TLN2: variants seen among roughly 807,000 people sequenced by gnomAD.
TLN2 encodes the protein talin-2.
TLN2 carries 118 observed loss-of-function variants against 294.7 expected under a neutral mutation model. The observed-to-expected ratio is 0.40, with a 90% confidence interval of 0.34 to 0.47. TLN2 has a LOEUF of 0.47. Ranked by LOEUF, TLN2 falls within the 20% of genes least tolerant of loss-of-function variation. TLN2 has a pLI of 0.84. For synonymous variants in TLN2, 1,431 were observed against 1,304.5 expected (o/e 1.10, Z -2.09); for missense variants, 3,083 against 3,282.2 (o/e 0.94, Z 1.48).
chr15:62,473,238 C>T (rs1355349956), intron 1 of TLN2, among the ~76,000 whole-genome samples: 3 of 152,314 alleles, frequency 2.0e-5, no homozygotes, highest in Non-Finnish European at 4.4e-5. Context: ...AGGCCCCACC[C>T]CTTCACAGCA....
chr15:62,496,402 T>G (rs443565), intron 1 of TLN2, among the ~76,000 whole-genome samples: 36,291 of 152,106 alleles, frequency 0.24, 4,697 homozygotes, highest in African/African-American at 0.33. Context: ...CCCTTTCAGA[T>G]AAGGATTGGA....
chr15:62,550,120 G>C (rs750321032), intron 1 of TLN2, among the ~76,000 whole-genome samples: 115 of 152,166 alleles, frequency 7.6e-4, no homozygotes, highest in Admixed American at 2.3e-3. Context: ...AGTCTGGAGA[G>C]AGTGGTCAGA....
At chr15:62,719,569 G>A (rs1323611701) in intron 24 of TLN2, among the ~76,000 whole-genome samples, 198 bp from the exon 25 acceptor site, 1 of 152,208 alleles carries the variant, frequency 6.6e-6, no homozygotes, top group Non-Finnish European at 1.5e-5. Context: ...AGTATGTGTA[G>A]AGAAAATGCC....
At chr15:62,742,822 G>C (rs960771642) in intron 32 of TLN2, among the ~76,000 whole-genome samples, 1 of 152,162 alleles carries the variant, frequency 6.6e-6, no homozygotes, top group Admixed American at 6.5e-5. Flanking sequence ...GCAAGCTTCT[G>C]CTCCCTGGGG....
At chr15:62,716,217 C>A in intron 22 of TLN2, 114 bp from the exon 23 acceptor site, 1 of 1,223,622 alleles carries the variant, frequency 8.2e-7, no homozygotes, top group Non-Finnish European at 1.1e-6. Flanking sequence ...TTGCTTGTGG[C>A]ATTTGACTAT....
chr15:62,405,791 G>A (rs752303960), intron 1 of TLN2, among the ~76,000 whole-genome samples: 2 of 152,190 alleles, frequency 1.3e-5, no homozygotes, highest in Admixed American at 6.5e-5. Context: ...GCTGCGCAGG[G>A]ATGGATTTTA....
Position 62,627,418 on chromosome 15 carries a change from AG to A in TLN2, c.-37+8946del, listed in dbSNP as rs559115905. 5.9e-5 allele frequency among the ~76,000 whole-genome samples: 9 copies of A among 152,304 alleles called. No homozygotes were observed. In the East Asian group the frequency reaches 1.5e-3, roughly 26 times the overall value. Reference sequence around the variant, plus strand: ...GGTGAATTTTGGGGGCTAGCCAAAGAGGGAATTAGGTAAGTATAATCTTTAT... The same window carrying A: ...GGTGAATTTTGGGGGCTAGCCAAAGAGGAATTAGGTAAGTATAATCTTTAT... On this transcript the variant is annotated intron_variant, in intron 3 of 58. Transcript: ENST00000636159.
intron 31 of TLN2, among the ~76,000 whole-genome samples, chr15:62,739,897 T>G (rs565368086): frequency 6.6e-6 from 1 of 152,172 alleles, no homozygotes; most frequent in African/African-American, 2.4e-5. Flanking sequence ...ATATATGTAT[T>G]TGAGGTTTAA....
At chr15:62,666,434 T>C (rs1596574311) in intron 9 of TLN2, among the ~76,000 whole-genome samples, 3 of 152,130 alleles carry the variant, frequency 2.0e-5, no homozygotes, top group African/African-American at 7.2e-5. Flanking sequence ...TTCTCTCCTC[T>C]CCAGAGCATG....
chr15:62,728,663 G>A lies in TLN2; in HGVS notation c.3358+1474G>A, dbSNP rs143739522. 1.1e-3 allele frequency among the ~76,000 whole-genome samples: 175 copies of A among 152,256 alleles called. 1 individual carries two copies. In the East Asian group the frequency reaches 0.016, roughly 14 times the overall value. ...CATTTCCCTGATGAACAGTGCCATC[G>A]AGGATCTTTTCATAGGTTTATTGGC... On this transcript the variant is annotated intron_variant, in intron 28 of 58. Coordinates refer to ENST00000636159, the MANE Select transcript of TLN2 (RefSeq NM_015059.3).
At chr15:62,583,032 T>A (rs562145174) in intron 1 of TLN2, among the ~76,000 whole-genome samples, 17 of 152,296 alleles carry the variant, frequency 1.1e-4, no homozygotes, top group African/African-American at 3.8e-4. Flanking sequence ...AAAACAAAAA[T>A]TGTTTCAAAT....
At chr15:62,546,016 G>GA (rs1183408263) in intron 1 of TLN2, among the ~76,000 whole-genome samples, 1 of 152,154 alleles carries the variant, frequency 6.6e-6, no homozygotes, top group Non-Finnish European at 1.5e-5. Context: ...TTCAGGACAT[G>GA]AGGTGGGGCT....
intron 22 of TLN2, among the ~76,000 whole-genome samples, chr15:62,712,701 T>C (rs1288417731): frequency 6.6e-6 from 1 of 152,086 alleles, no homozygotes; most frequent in African/African-American, 2.4e-5. Flanking sequence ...AAGATCCTGA[T>C]TCACAAGGTC....
Position 62,740,683 on chromosome 15 carries a change from A to G in TLN2, c.3939A>G (p.Ala1313=), listed in dbSNP as rs771386985. The part of the protein sequence containing the change: ...VIGNLKNISM[A]SSKLLLAAKS... ...GGAACCTCAAGAATATCTCGATGGC[A>G]TCCAGCAAGCTGCTGTTAGCTGCCA... Residue 1313 remains alanine (A), a synonymous_variant, in exon 32 of 59, where the codon GCA becomes GCG. Transcript: ENST00000636159. The G allele has an allele frequency of 6.2e-7, 1 of 1,614,238 alleles. No homozygotes were observed. The highest frequency in any genetic ancestry group is 1.7e-5 in the Admixed American group (1 of 60,026).
chr15:62,605,255 T>G (rs1410936866), intron 2 of TLN2, among the ~76,000 whole-genome samples: 1 of 152,232 alleles, frequency 6.6e-6, no homozygotes, highest in East Asian at 1.9e-4. Flanking sequence ...TGAAATATCC[T>G]AGCCTAAATG....
rs1279552704 is a variant in TLN2, at chr15:62,691,794, TGAG to T, written c.1114-1042_1114-1040del. ...AAGCGATCCTCCTCCCTCAGCCTCT[TGAG>T]GAGCTGGAACTGCAGGCTCATGCCA... On this transcript the variant is annotated intron_variant, in intron 12 of 58. Transcript: ENST00000636159. Among the ~76,000 whole-genome samples the T allele has an allele frequency of 6.6e-5, 10 of 151,918 alleles. No individual in the cohort carries two copies. The South Asian group carries it at 1.3e-3, about 19-fold the overall frequency.
chr15:62,642,814 G>A (rs2140919851), intron 3 of TLN2, among the ~76,000 whole-genome samples: 1 of 151,406 alleles, frequency 6.6e-6, no homozygotes, highest in Non-Finnish European at 1.5e-5. Flanking sequence ...CGATTCTCCT[G>A]CCTCAGCCTC....
At chr15:62,504,841 G>A (rs952193997) in intron 1 of TLN2, among the ~76,000 whole-genome samples, 1 of 144,972 alleles carries the variant, frequency 6.9e-6, no homozygotes, top group Non-Finnish European at 1.5e-5. Flanking sequence ...GTGTGTGTGT[G>A]TGTGTGAGAG....
At chr15:62,463,548 C>T (rs1320474464) in intron 1 of TLN2, among the ~76,000 whole-genome samples, 1 of 152,130 alleles carries the variant, frequency 6.6e-6, no homozygotes, top group African/African-American at 2.4e-5. Context: ...ATGAAAACCA[C>T]AATGAGATAC....
Sources: allele counts gnomAD v4.1 joint callset (sites outside exome capture counted in the v4.1 genomes callset), GRCh38; gene constraint gnomAD v4.1.1; transcripts MANE v1.5; gene names NCBI Gene and HGNC (gene_info 2026-07-23, HGNC 2026-07-21).